Variants in CPXM2 observed in about 807,000 individuals in gnomAD.
The protein encoded by CPXM2 is carboxypeptidase X, M14 family member 2, also known as inactive carboxypeptidase-like protein X2.
Under a neutral mutation model 86.1 loss-of-function variants are expected in CPXM2, and 66 were observed. The observed-to-expected ratio is 0.77, with a 90% CI of 0.63 to 0.94. The LOEUF (loss-of-function observed/expected upper bound fraction) is 0.94, where lower values mean the gene tolerates loss of function less well. Ranked by LOEUF, CPXM2 falls within the 40% of genes least tolerant of loss-of-function variation. CPXM2 has a pLI of 0.00. For missense variants in CPXM2, 948 were observed against 1,026.3 expected (o/e 0.92, Z 1.04); for synonymous variants, 388 against 400.2 (o/e 0.97, Z 0.36).
chr10:123,800,028 GT>G (rs530876054), intron 4 of CPXM2, among the ~76,000 whole-genome samples: 5,862 of 109,592 alleles, frequency 0.053, 228 homozygotes, highest in African/African-American at 0.15. Flanking sequence ...TAGTTTTTTG[GT>G]TTTTTTTTTT....
At chr10:123,786,454 T>A (rs1847058533) in intron 6 of CPXM2, among the ~76,000 whole-genome samples, 1 of 152,154 alleles carries the variant, frequency 6.6e-6, no homozygotes, top group Non-Finnish European at 1.5e-5. Flanking sequence ...ATCAGGCAGT[T>A]CAAGCAGACA....
intron 2 of CPXM2, among the ~76,000 whole-genome samples, chr10:123,925,580 A>C (rs1203328447): frequency 6.6e-6 from 1 of 152,200 alleles, no homozygotes; most frequent in African/African-American, 2.4e-5. Context: ...GTCTGTGCCA[A>C]AATATTTGTA....
intron 1 of CPXM2, among the ~76,000 whole-genome samples, chr10:123,884,074 C>T (rs1433044968): frequency 6.6e-6 from 1 of 152,068 alleles, no homozygotes; most frequent in African/African-American, 2.4e-5. Context: ...AAAGGGCTTA[C>T]AGTAGCAACC....
chr10:123,808,508 C>T (rs1262140883), intron 4 of CPXM2, among the ~76,000 whole-genome samples: 1 of 152,078 alleles, frequency 6.6e-6, no homozygotes, highest in Non-Finnish European at 1.5e-5. Context: ...TGAGGACCAT[C>T]GAAAGCTAGG....
chr10:123,760,827 T>A (rs1025579574), intron 11 of CPXM2, among the ~76,000 whole-genome samples: 2 of 152,090 alleles, frequency 1.3e-5, no homozygotes, highest in Non-Finnish European at 2.9e-5. Flanking sequence ...TTTTTACAAA[T>A]GAAAAAGTGC....
At position 123,776,956 on chromosome 10, in the gene CPXM2, T is replaced by G. The variant is rs1434941509; in HGVS notation, c.978+3211A>C. ...AAGAGGAGAGTGGAGAAGAGGAAAGTTCTCTTCTGCCATCGTTCCTCATTT... is the reference window on the plus strand; with the variant it reads ...AAGAGGAGAGTGGAGAAGAGGAAAGGTCTCTTCTGCCATCGTTCCTCATTT... On this transcript the variant is annotated intron_variant, in intron 7 of 13. Transcript: ENST00000241305. 3.3e-5 allele frequency: 5 copies of G among 152,188 alleles called. No individual in the cohort carries two copies. The East Asian group carries it at 9.6e-4, about 29-fold the overall frequency. The allele number at this position is 152,188 out of a possible 1,614,324, so 9.4% of individuals were successfully genotyped here. A position where few individuals can be genotyped will look rare whatever the true frequency, so the allele number is the denominator to read the frequency against.
At chr10:123,859,675 A>G (rs974291151) in intron 3 of CPXM2, among the ~76,000 whole-genome samples, 1 of 152,232 alleles carries the variant, frequency 6.6e-6, no homozygotes, top group African/African-American at 2.4e-5. Context: ...ATCAGGGTAA[A>G]TAAGATGCCC....
At position 123,891,702 on chromosome 10, in the gene CPXM2, G is replaced by A. The variant is rs561959114; in HGVS notation, c.-43C>T. 1.5e-5 allele frequency: 19 copies of A among 1,304,550 alleles called. No individual in the cohort carries two copies. In the South Asian group the frequency reaches 3.8e-4, roughly 26 times the overall value. 80.8% of individuals were successfully genotyped at this position (1,304,550 alleles called of 1,614,324 possible). A position where few individuals can be genotyped will look rare whatever the true frequency, so the allele number is the denominator to read the frequency against. On this transcript the variant is annotated 5_prime_UTR_variant, in exon 1 of 14. Coordinates refer to ENST00000241305, the MANE Select transcript of CPXM2 (RefSeq NM_198148.3). This position sits in a 1 kb window ranked among gnomAD's most constrained non-coding sequence, Gnocchi z 5.6. ...CCCAGGGCAGGGTCACGGTCACCGG[G>A]GGCGCCGGGCGGGCTGCGGGCGCAG...
intron 2 of CPXM2, among the ~76,000 whole-genome samples, chr10:123,871,850 A>AAAAC (rs141639510): frequency 6.6e-6 from 1 of 152,208 alleles, no homozygotes. Flanking sequence ...ATTTTCAAGA[A>AAAAC]AAACAAACAA....
At chr10:123,798,203 T>A (rs1211259785) in intron 5 of CPXM2, 77 bp from the exon 6 acceptor site, 1 of 1,324,064 alleles carries the variant, frequency 7.6e-7, no homozygotes, top group African/African-American at 1.5e-5. Context: ...AATTCACTCA[T>A]TCAACAAGAC....
intron 1 of CPXM2, among the ~76,000 whole-genome samples, chr10:123,883,450 A>G (rs1437386949): frequency 6.6e-6 from 1 of 152,234 alleles, no homozygotes; most frequent in Non-Finnish European, 1.5e-5. Flanking sequence ...TGAAAGGAGA[A>G]GGCAACAATA....
At position 123,854,356 on chromosome 10, in the gene CPXM2, AT is replaced by A. The variant is rs1261038353; in HGVS notation, c.513+8257del. ...CTAGTGAACAAATATATATATATAT[AT>A]AAAAATATATATATATAATATATAT... On this transcript the variant is annotated intron_variant, in intron 3 of 13. Transcript: ENST00000241305. 5.1e-4 allele frequency among the ~76,000 whole-genome samples: 62 copies of A among 121,528 alleles called. 1 individual carries two copies. The highest frequency in any genetic ancestry group is 2.0e-3 in the African/African-American group (54 of 27,290). 79.7% of individuals were successfully genotyped at this position (121,528 alleles called of 152,430 possible). A position where few individuals can be genotyped will look rare whatever the true frequency, so the allele number is the denominator to read the frequency against.
intron 6 of CPXM2, among the ~76,000 whole-genome samples, chr10:123,785,092 C>A (rs963412416): frequency 2.6e-5 from 4 of 152,136 alleles, no homozygotes; most frequent in African/African-American, 9.7e-5. Flanking sequence ...CTCAGGCCCA[C>A]CCCCACCCTG....
rs553297766 is a variant in CPXM2 at position 123,750,361 on chromosome 10, C to A, written c.2018-3344G>T. ...ATTGCACTCCACTGCTCCCAGCCGG[C>A]CTCTCTCCAGCCACACAAGTCTTCC... On this transcript the variant is annotated intron_variant, in intron 13 of 13. Transcript: ENST00000241305. 661 of 971,984 alleles carry A rather than the reference C, an allele frequency of 6.8e-4. 1 individual carries two copies. The highest frequency in any genetic ancestry group is 7.9e-4 in the Non-Finnish European group (649 of 817,960). 60.2% of individuals were successfully genotyped at this position (971,984 alleles called of 1,614,324 possible). A position where few individuals can be genotyped will look rare whatever the true frequency, so the allele number is the denominator to read the frequency against.
At chr10:123,789,151 G>A (rs1847144091) in intron 6 of CPXM2, among the ~76,000 whole-genome samples, 1 of 152,162 alleles carries the variant, frequency 6.6e-6, no homozygotes, top group Non-Finnish European at 1.5e-5. Flanking sequence ...CCCATTGACT[G>A]CTCTGATGAC....
At chr10:123,757,079 T>C in intron 12 of CPXM2, 134 bp downstream of exon 12, 1 of 764,794 alleles carries the variant, frequency 1.3e-6, no homozygotes, top group South Asian at 1.7e-5. Context: ...ACACAGTGGC[T>C]CCTCGCAGCA....
intron 1 of CPXM2, among the ~76,000 whole-genome samples, chr10:123,888,324 A>T: frequency 6.6e-6 from 1 of 152,220 alleles, no homozygotes; most frequent in East Asian, 1.9e-4. Flanking sequence ...ACTTTTAATT[A>T]GTTATATATG....
chr10:123,877,350 T>C (rs566031762), intron 2 of CPXM2, among the ~76,000 whole-genome samples: 1 of 152,264 alleles, frequency 6.6e-6, no homozygotes, highest in Non-Finnish European at 1.5e-5. Context: ...ATTGGTCAGC[T>C]ACTGCTGTAT....
intron 2 of CPXM2, among the ~76,000 whole-genome samples, chr10:123,933,546 C>T (rs954586453): frequency 1.9e-4 from 29 of 152,144 alleles, no homozygotes; most frequent in African/African-American, 6.5e-4. Flanking sequence ...GGTGAAACCC[C>T]ATCTCTACTA....
Sources: allele counts gnomAD v4.1 joint callset (sites outside exome capture counted in the v4.1 genomes callset), GRCh38; gene constraint gnomAD v4.1.1; non-coding constraint Gnocchi (gnomAD v3.1); transcripts MANE v1.5; gene names NCBI Gene and HGNC (gene_info 2026-07-23, HGNC 2026-07-21).